Variants in KLF15 observed in about 807,000 individuals in gnomAD.
KLF15 encodes KLF transcription factor 15, also known as Krueppel-like factor 15.
KLF15 carries 4 observed loss-of-function variants against 24.6 expected under a neutral mutation model. The observed-to-expected ratio is 0.16, with a 90% CI of 0.08 to 0.37. The LOEUF (loss-of-function observed/expected upper bound fraction) is 0.37. KLF15 is among the 10% of genes least tolerant of loss of function. The pLI, the probability that KLF15 is intolerant of heterozygous loss-of-function variation, is 1.00. For missense variants in KLF15, 496 were observed against 560.6 expected, an observed-to-expected ratio of 0.88 and a Z score of 1.16; for synonymous variants, 246 against 236.3, an observed-to-expected ratio of 1.04 and a Z score of -0.37.
At chr3:126,311,200 T>C in the KLF15 span, among the ~76,000 whole-genome samples, 1 of 152,204 alleles carries the variant, frequency 6.6e-6, no homozygotes, top group African/African-American at 2.4e-5. Context: ...CTCTGGAATC[T>C]CATCCTCATC....
At position 126,351,891 on chromosome 3, in the gene KLF15, C is replaced by G. The variant is rs1161255730; in HGVS notation, c.1032G>C (p.Arg344=). 1.2e-6 allele frequency: 2 copies of G among 1,614,094 alleles called. No individual in the cohort carries two copies. The highest frequency in any genetic ancestry group is 2.2e-5 in the East Asian group (1 of 44,886). The change falls in exon 2 of 3, where the codon CGG becomes CGC. Residue 344 remains arginine, a synonymous_variant. Coordinates refer to ENST00000296233, the MANE Select transcript of KLF15 (RefSeq NM_014079.4). ...KSSHLKAHLR[R]HTGEKPFACT... is the part of the protein sequence containing the mutation. ...AGGCGAAGGGCTTCTCACCCGTGTGCCGGCGCAGGTGGGCCTTGAGGTGGC... is the reference window on the plus strand; with the variant it reads ...AGGCGAAGGGCTTCTCACCCGTGTGGCGGCGCAGGTGGGCCTTGAGGTGGC...
At chr3:126,294,855 G>GC in the KLF15 span, among the ~76,000 whole-genome samples, 1 of 139,120 alleles carries the variant, frequency 7.2e-6, no homozygotes, top group African/African-American at 2.8e-5. Flanking sequence ...CAGTGGCCCT[G>GC]CCCCTCCATA....
chr3:126,323,448 T>A, the KLF15 span, among the ~76,000 whole-genome samples: 851 of 40,272 alleles, frequency 0.021, 27 homozygotes, highest in African/African-American at 0.092. Context: ...ATATATATGT[T>A]ATATATATAT....
chr3:126,291,507 T>C, the KLF15 span, among the ~76,000 whole-genome samples: 41 of 152,132 alleles, frequency 2.7e-4, no homozygotes, highest in African/African-American at 8.7e-4. Flanking sequence ...AATTAAAGAG[T>C]GTTCTTTAAA....
the KLF15 span, among the ~76,000 whole-genome samples, chr3:126,327,631 T>G: frequency 6.6e-6 from 1 of 152,210 alleles, no homozygotes; most frequent in South Asian, 2.1e-4. Flanking sequence ...CCTGTGCTGC[T>G]GGGGGCATTG....
At chr3:126,319,774 C>T in the KLF15 span, among the ~76,000 whole-genome samples, 1 of 152,140 alleles carries the variant, frequency 6.6e-6, no homozygotes, top group Non-Finnish European at 1.5e-5. Context: ...CTAGTCCCAG[C>T]TTACAAGACA....
intron 2 of KLF15, among the ~76,000 whole-genome samples, chr3:126,347,645 G>C (rs145800927): frequency 5.9e-5 from 9 of 152,348 alleles, no homozygotes; most frequent in South Asian, 4.1e-4. Context: ...GTCTGACAGT[G>C]AGGCAAGGAA....
the KLF15 span, among the ~76,000 whole-genome samples, chr3:126,301,112 C>T: frequency 1.3e-5 from 2 of 152,176 alleles, no homozygotes; most frequent in African/African-American, 4.8e-5. Flanking sequence ...GTGGCTAAAT[C>T]AGTGAATGCT....
the KLF15 span, among the ~76,000 whole-genome samples, chr3:126,302,755 TCC>T: frequency 1.2e-3 from 178 of 152,302 alleles, 2 homozygotes; most frequent in African/African-American, 4.2e-3. Context: ...GTATATCTTT[TCC>T]CATCCTCCTA....
downstream of KLF15, among the ~76,000 whole-genome samples, chr3:126,340,591 G>A (rs1301477144): frequency 2.0e-5 from 3 of 150,728 alleles, no homozygotes; most frequent in African/African-American, 4.9e-5. Context: ...ACAGTGATCA[G>A]TAGATGGTAC....
intron 2 of KLF15, among the ~76,000 whole-genome samples, chr3:126,344,677 C>T (rs1345890266): frequency 6.6e-6 from 1 of 152,212 alleles, no homozygotes; most frequent in African/African-American, 2.4e-5. Flanking sequence ...GGAGGGGAAA[C>T]GGAGGCCTGG....
the KLF15 span, among the ~76,000 whole-genome samples, chr3:126,306,227 C>G: frequency 6.6e-6 from 1 of 152,176 alleles, no homozygotes; most frequent in Non-Finnish European, 1.5e-5. Flanking sequence ...CAGAGCACTT[C>G]TCTCTCCGCC....
At chr3:126,295,490 A>G in the KLF15 span, among the ~76,000 whole-genome samples, 1 of 152,210 alleles carries the variant, frequency 6.6e-6, no homozygotes, top group Non-Finnish European at 1.5e-5. Flanking sequence ...AAACCAACTC[A>G]GGATACAAAG....
chr3:126,309,906 A>G, the KLF15 span, among the ~76,000 whole-genome samples: 1 of 152,264 alleles, frequency 6.6e-6, no homozygotes, highest in Non-Finnish European at 1.5e-5. Context: ...CCATTTGAGC[A>G]ACAAGGTATA....
chr3:126,301,910 C>G, the KLF15 span, among the ~76,000 whole-genome samples: 1 of 151,420 alleles, frequency 6.6e-6, no homozygotes, highest in African/African-American at 2.4e-5. Flanking sequence ...CCACCGTGCC[C>G]AGACCTGCTT....
chr3:126,343,915 C>A lies in KLF15; in HGVS notation c.1083-20G>T. On this transcript the variant is annotated intron_variant, in intron 2 of 2. Coordinates refer to ENST00000296233, the MANE Select transcript of KLF15 (RefSeq NM_014079.4). ...GAGAACCTGCGGGACATGGCGCGGT[C>A]AGCGAGGCCTGGCCCTGCCTGCCCC... 6.4e-7 allele frequency: 1 copy of A among 1,559,416 alleles called. No individual in the cohort carries two copies. Among genetic ancestry groups the A allele is most frequent in the South Asian group, 1.2e-5 (1 of 83,618 alleles).
At chr3:126,317,286 G>A in the KLF15 span, among the ~76,000 whole-genome samples, 3 of 152,164 alleles carry the variant, frequency 2.0e-5, no homozygotes, top group Non-Finnish European at 4.4e-5. Flanking sequence ...GGGCAGGAGA[G>A]GGCCTCACAC....
At chr3:126,331,605 G>C in the KLF15 span, among the ~76,000 whole-genome samples, 29 of 152,276 alleles carry the variant, frequency 1.9e-4, no homozygotes, top group East Asian at 5.8e-4. Context: ...TGTCTAGTGG[G>C]GGGGAGGAGC....
the KLF15 span, among the ~76,000 whole-genome samples, chr3:126,313,874 G>A: frequency 1.3e-5 from 2 of 152,226 alleles, no homozygotes. Flanking sequence ...ATCTAGGGAT[G>A]TCTTCAGCTG....
Sources: allele counts gnomAD v4.1 joint callset (sites outside exome capture counted in the v4.1 genomes callset), GRCh38; gene constraint gnomAD v4.1.1; transcripts MANE v1.5; gene names NCBI Gene and HGNC (gene_info 2026-07-23, HGNC 2026-07-21).